Variants in EYS observed in about 807,000 individuals in gnomAD.
The protein encoded by EYS is protein eyes shut homolog.
Under a neutral mutation model 282.1 loss-of-function variants are expected in EYS, and 250 were observed. The ratio of observed to expected loss-of-function variants is 0.89; its 90% CI spans 0.80 to 0.98. The LOEUF (loss-of-function observed/expected upper bound fraction) is 0.98, where lower values mean the gene tolerates loss of function less well. EYS is among the 50% of genes least tolerant of loss of function. The probability of loss-of-function intolerance (pLI) is 0.00; values close to 1 mark genes in which losing one functional copy is unlikely to be tolerated. For missense variants in EYS, 4,016 were observed against 3,709.0 expected, an observed-to-expected ratio of 1.08 and a Z score of -2.15; for synonymous variants, 1,355 against 1,282.9, an observed-to-expected ratio of 1.06 and a Z score of -1.20.
intron 14 of EYS, among the ~76,000 whole-genome samples, chr6:64,971,700 A>C (rs1160348317): frequency 6.6e-6 from 1 of 152,154 alleles, no homozygotes; most frequent in Non-Finnish European, 1.5e-5. Flanking sequence ...TCTTAAGCAC[A>C]ATGTGTCTAA....
intron 12 of EYS, among the ~76,000 whole-genome samples, chr6:65,145,398 T>C (rs1764452762): frequency 2.6e-5 from 4 of 151,982 alleles, no homozygotes; most frequent in South Asian, 2.1e-4. Context: ...TTACAGATAG[T>C]TAAGTTTATT....
chr6:65,554,210 T>C (rs1768705921), intron 2 of EYS, among the ~76,000 whole-genome samples: 1 of 152,208 alleles, frequency 6.6e-6, no homozygotes. Context: ...ATCCAGGCTA[T>C]GGTACTTGTT....
chr6:65,479,683 C>T (rs1277711930), intron 5 of EYS, among the ~76,000 whole-genome samples: 1 of 152,004 alleles, frequency 6.6e-6, no homozygotes, highest in South Asian at 2.1e-4. Flanking sequence ...GGATTATAAA[C>T]CTAAACAGAG....
intron 26 of EYS, among the ~76,000 whole-genome samples, chr6:64,515,731 T>C (rs1169956473): frequency 6.6e-6 from 1 of 151,632 alleles, no homozygotes; most frequent in African/African-American, 2.4e-5. Context: ...TTCCACTTAA[T>C]ATAATTTTTT....
chr6:63,926,481 T>C (rs531476294), intron 35 of EYS, among the ~76,000 whole-genome samples: 1 of 152,350 alleles, frequency 6.6e-6, no homozygotes, highest in East Asian at 1.9e-4. Flanking sequence ...AGAGCCAGTC[T>C]CTGAGAGCTG....
chr6:65,297,488 T>C lies in EYS; in HGVS notation c.1767-1369A>G, dbSNP rs185082071. ...GCCATTTAATGCAATTTGTCAAGGATCACTGAGATTATTAACGGTAGGAAG... is the reference window on the plus strand; with the variant it reads ...GCCATTTAATGCAATTTGTCAAGGACCACTGAGATTATTAACGGTAGGAAG... On this transcript the variant is annotated intron_variant, in intron 11 of 42. Transcript: ENST00000503581. Among the ~76,000 whole-genome samples the C allele has an allele frequency of 3.0e-4, 45 of 152,128 alleles. No homozygotes were observed. The East Asian group carries it at 8.5e-3, about 29-fold the overall frequency.
intron 41 of EYS, among the ~76,000 whole-genome samples, chr6:63,752,529 G>T (rs1422801991): frequency 7.7e-6 from 1 of 130,548 alleles, no homozygotes; most frequent in Admixed American, 8.8e-5. Context: ...GTCTCACTCT[G>T]TCACCCAGGC....
intron 36 of EYS, among the ~76,000 whole-genome samples, chr6:63,811,728 C>T (rs1771051301): frequency 1.3e-5 from 2 of 152,056 alleles, no homozygotes; most frequent in Admixed American, 6.6e-5. Flanking sequence ...CTCTTTATTC[C>T]ACTATTTGTA....
intron 41 of EYS, among the ~76,000 whole-genome samples, chr6:63,748,985 C>T (rs572056449): frequency 2.0e-5 from 3 of 152,074 alleles, no homozygotes; most frequent in Non-Finnish European, 4.4e-5. Context: ...CAATCTCCTT[C>T]AGTTCAGCTC....
Position 63,914,947 on chromosome 6 carries a change from A to G in EYS, c.7056-50589T>C, listed in dbSNP as rs150627100. On this transcript the variant is annotated intron_variant, in intron 35 of 42. Coordinates refer to ENST00000503581, the MANE Select transcript of EYS (RefSeq NM_001142800.2). ...GAGGTTTAAAGAAAGAGCCATCTCT[A>G]TAACGTTAAAGTGTAAGGTGAAGCA... Among the ~76,000 whole-genome samples, 1,389 of 152,322 alleles carry G rather than the reference A, an allele frequency of 9.1e-3. 29 individuals carry two copies. Among genetic ancestry groups the G allele is most frequent in the African/African-American group, 0.031 (1,304 of 41,578 alleles).
At chr6:64,659,268 C>T (rs1043724102) in intron 22 of EYS, among the ~76,000 whole-genome samples, 22 of 152,042 alleles carry the variant, frequency 1.4e-4, no homozygotes, top group African/African-American at 4.8e-4. Flanking sequence ...CACTAAATGC[C>T]CACAAGAGAA....
At chr6:65,063,422 G>C (rs547684129) in intron 12 of EYS, among the ~76,000 whole-genome samples, 1 of 152,004 alleles carries the variant, frequency 6.6e-6, no homozygotes, top group East Asian at 1.9e-4. Flanking sequence ...TTCTTCTTCA[G>C]TAGAAAAGAA....
intron 21 of EYS, among the ~76,000 whole-genome samples, chr6:64,821,323 A>C (rs113388432): frequency 0.012 from 1,805 of 152,162 alleles, 35 homozygotes; most frequent in African/African-American, 0.04. Flanking sequence ...AGGACGAGGC[A>C]GATGGTAAAA....
chr6:64,675,747 A>C (rs1294971532), intron 22 of EYS, among the ~76,000 whole-genome samples: 1 of 151,834 alleles, frequency 6.6e-6, no homozygotes, highest in Admixed American at 6.6e-5. Flanking sequence ...AAACTTTTCT[A>C]GGGTACCATC....
At chr6:65,096,260 T>C (rs1253659966) in intron 12 of EYS, among the ~76,000 whole-genome samples, 1 of 150,848 alleles carries the variant, frequency 6.6e-6, no homozygotes, top group Non-Finnish European at 1.5e-5. Context: ...AACATTAAAA[T>C]AATAAAATTC....
intron 12 of EYS, among the ~76,000 whole-genome samples, chr6:65,250,600 A>G (rs535066041): frequency 8.7e-4 from 132 of 152,126 alleles, no homozygotes; most frequent in African/African-American, 3.0e-3. Flanking sequence ...TTCTATTTTT[A>G]TCCCAACTTA....
chr6:64,693,179 A>T (rs1770459728), intron 22 of EYS, among the ~76,000 whole-genome samples: 1 of 151,506 alleles, frequency 6.6e-6, no homozygotes, highest in Admixed American at 6.6e-5. Context: ...AGTTAGGTAA[A>T]TTTAAAATAT....
chr6:64,186,122 C>T (rs1234168963), intron 31 of EYS, among the ~76,000 whole-genome samples: 1 of 151,980 alleles, frequency 6.6e-6, no homozygotes, highest in African/African-American at 2.4e-5. Flanking sequence ...TACAGGGCAG[C>T]GACTCCTCAG....
chr6:64,971,354 G>A (rs1770287290), intron 14 of EYS, among the ~76,000 whole-genome samples: 2 of 151,946 alleles, frequency 1.3e-5, no homozygotes, highest in South Asian at 4.2e-4. Flanking sequence ...GTGAGCATCG[G>A]GACTTAAGGC....
Sources: gnomAD v4.1 joint callset for allele counts (sites outside exome capture counted in the v4.1 genomes callset) on GRCh38, gnomAD v4.1.1 for gene constraint, MANE v1.5 for transcripts, NCBI Gene and HGNC (gene_info 2026-07-23, HGNC 2026-07-21) for gene names.